The following NDST4 variants were observed in gnomAD, a reference collection of about 807,000 sequenced individuals.
NDST4 encodes N-heparan sulfate sulfotransferase 4.
In NDST4, 63 loss-of-function variants were observed where a neutral mutation model predicts 100.8. The ratio of observed to expected loss-of-function variants is 0.62; its 90% CI spans 0.51 to 0.77. NDST4 has a LOEUF of 0.77. Ranked by LOEUF, NDST4 falls within the 30% of genes least tolerant of loss-of-function variation. The pLI is 0.00. For missense variants in NDST4, 943 were observed against 1,018.4 expected (o/e 0.93, Z 1.01); for synonymous variants, 377 against 361.8 (o/e 1.04, Z -0.48).
At chr4:114,856,144 C>T (rs75341175) in intron 7 of NDST4, among the ~76,000 whole-genome samples, 3,335 of 151,946 alleles carry the variant, frequency 0.022, 121 homozygotes, top group African/African-American at 0.075. Flanking sequence ...CTCACTGCAA[C>T]CTTCTCTTCT....
At chr4:114,901,091 T>C (rs1472008890) in intron 6 of NDST4, among the ~76,000 whole-genome samples, 2 of 152,024 alleles carry the variant, frequency 1.3e-5, no homozygotes. Flanking sequence ...TACTGTTCCA[T>C]GCAACCTTGA....
chr4:114,931,611 T>A lies in NDST4; in HGVS notation c.1536+3595A>T, dbSNP rs1725516004. ...TAAATAAAATTAGCATGCATATAGC[T>A]AGACTAAGGGAAAAGGAGAGAAGGC... On this transcript the variant is annotated intron_variant, in intron 6 of 13. Coordinates refer to ENST00000264363, the MANE Select transcript of NDST4 (RefSeq NM_022569.3). Among the ~76,000 whole-genome samples the A allele has an allele frequency of 2.6e-5, 4 of 151,710 alleles. No individual in the cohort carries two copies. The South Asian group carries it at 8.3e-4, about 31-fold the overall frequency.
intron 6 of NDST4, among the ~76,000 whole-genome samples, chr4:114,924,912 T>C (rs1363042076): frequency 6.6e-6 from 1 of 152,154 alleles, no homozygotes; most frequent in Non-Finnish European, 1.5e-5. Flanking sequence ...TGACTTAATC[T>C]TTCCAAATTA....
intron 4 of NDST4, among the ~76,000 whole-genome samples, chr4:114,949,557 C>G (rs1412219585): frequency 2.0e-5 from 3 of 152,036 alleles, no homozygotes; most frequent in African/African-American, 7.2e-5. Flanking sequence ...TTGGCATTTG[C>G]TCCATAGTTT....
rs1251449284 is a variant in NDST4 at position 114,946,510 on chromosome 4, G to GT, written c.1222-9008dup. ...GGAGAAGGTAGTAGTTTGAGTTAAG[G>GT]TAAAAAGTTGTGACGGATTGAGCTA... On this transcript the variant is annotated intron_variant, in intron 4 of 13. Coordinates refer to ENST00000264363, the MANE Select transcript of NDST4 (RefSeq NM_022569.3). 2.0e-5 allele frequency among the ~76,000 whole-genome samples: 3 copies of GT among 152,306 alleles called. No homozygotes were observed. The East Asian group carries it at 5.8e-4, about 29-fold the overall frequency.
At chr4:114,964,171 A>G (rs1726329168) in intron 4 of NDST4, among the ~76,000 whole-genome samples, 1 of 152,220 alleles carries the variant, frequency 6.6e-6, no homozygotes, top group Non-Finnish European at 1.5e-5. Flanking sequence ...CATGGCAAGG[A>G]ACACAGGGCA....
At position 114,895,210 on chromosome 4, in the gene NDST4, G is replaced by A. The variant is rs76503938; in HGVS notation, c.1537-24260C>T. Reference sequence around the variant, plus strand: ...CAACGAATCCAGGAGCTGGGTTTTTGAAAAAAATTAACAAAATAGACCACT... The same window carrying A: ...CAACGAATCCAGGAGCTGGGTTTTTAAAAAAAATTAACAAAATAGACCACT... On this transcript the variant is annotated intron_variant, in intron 6 of 13. Transcript: ENST00000264363. Among the ~76,000 whole-genome samples the A allele has an allele frequency of 7.1e-3, 1,075 of 151,724 alleles. 9 individuals carry two copies. The highest frequency in any genetic ancestry group is 0.02 in the East Asian group (101 of 5,158).
chr4:114,830,373 G>C (rs1420032179), intron 12 of NDST4, among the ~76,000 whole-genome samples: 1 of 152,136 alleles, frequency 6.6e-6, no homozygotes, highest in Non-Finnish European at 1.5e-5. Flanking sequence ...AAAGCTTTCA[G>C]TTCAGAAATT....
chr4:114,833,712 G>T lies in NDST4; in HGVS notation c.2290C>A (p.Leu764Ile), dbSNP rs764043232. 2 of 1,604,264 alleles carry T rather than the reference G, an allele frequency of 1.2e-6. No homozygotes were observed. The highest frequency in any genetic ancestry group is 1.7e-6 in the Non-Finnish European group (2 of 1,174,238). The change falls in exon 12 of 14, where the codon CTA becomes ATA. Residue 764 changes from leucine to isoleucine, a missense_variant. Physicochemically the swap from Leu to Ile is conservative, Grantham distance 5 (BLOSUM62 2). Transcript: ENST00000264363. The part of the protein sequence containing the change: ...WLTYFATSQL[L>I]IIDGQQLRSD... ...CTCAGCTGCTGTCCATCAATAATTA[G>T]CAACTGTAAAGTCAGAAATAGTCAC... is the stretch of plus-strand genomic sequence containing the variant.
intron 2 of NDST4, among the ~76,000 whole-genome samples, chr4:115,011,232 T>C (rs1281922472): frequency 6.6e-6 from 1 of 151,972 alleles, no homozygotes; most frequent in African/African-American, 2.4e-5. Flanking sequence ...TGGTTTCTAT[T>C]CATCTGTATG....
At chr4:114,828,497 G>A (rs72679749) in intron 13 of NDST4, among the ~76,000 whole-genome samples, 13,777 of 151,996 alleles carry the variant, frequency 0.091, 911 homozygotes, top group African/African-American at 0.18. Flanking sequence ...GGTCTCTGAA[G>A]CCTGATCCTT....
intron 2 of NDST4, among the ~76,000 whole-genome samples, chr4:115,075,428 G>C (rs934837366): frequency 5.9e-5 from 9 of 152,144 alleles, no homozygotes; most frequent in Non-Finnish European, 1.3e-4. Context: ...GTTACAAACT[G>C]CAGCATGTAC....
At chr4:115,097,417 A>C (rs1440389560) in intron 1 of NDST4, among the ~76,000 whole-genome samples, 1 of 152,120 alleles carries the variant, frequency 6.6e-6, no homozygotes, top group Non-Finnish European at 1.5e-5. Context: ...AAATTTGTTT[A>C]GGAACTCTCT....
chr4:114,900,835 G>A (rs1162226695), intron 6 of NDST4, among the ~76,000 whole-genome samples: 1 of 151,978 alleles, frequency 6.6e-6, no homozygotes, highest in Non-Finnish European at 1.5e-5. Context: ...ATTTTGACAA[G>A]CTGTGTTCTC....
At chr4:114,888,703 C>G (rs537418737) in intron 6 of NDST4, among the ~76,000 whole-genome samples, 1 of 152,246 alleles carries the variant, frequency 6.6e-6, no homozygotes, top group South Asian at 2.1e-4. Flanking sequence ...ATTTCTTATA[C>G]TTGATACAAA....
chr4:114,839,004 T>A (rs1313961214), intron 11 of NDST4, among the ~76,000 whole-genome samples: 2 of 152,144 alleles, frequency 1.3e-5, no homozygotes, highest in Non-Finnish European at 2.9e-5. Context: ...TTCGTAAAGT[T>A]GTTGTCTAAC....
chr4:115,091,351 TAATC>T (rs1347407937), intron 1 of NDST4, among the ~76,000 whole-genome samples: 33 of 152,218 alleles, frequency 2.2e-4, no homozygotes, highest in African/African-American at 7.7e-4. Flanking sequence ...CTCAAAGGAT[TAATC>T]ATTTATTTTT....
chr4:114,879,874 TTG>T (rs1560792161), intron 6 of NDST4, among the ~76,000 whole-genome samples: 1 of 152,208 alleles, frequency 6.6e-6, no homozygotes, highest in African/African-American at 2.4e-5. Flanking sequence ...CATTTTTTAT[TTG>T]TGTTTCCCTT....
At chr4:115,112,836 C>T (rs532084144) in intron 1 of NDST4, among the ~76,000 whole-genome samples, 4 of 151,972 alleles carry the variant, frequency 2.6e-5, no homozygotes, top group South Asian at 2.1e-4. Flanking sequence ...ATATATTGTT[C>T]TAAGAATTTA....
Sources: gnomAD v4.1 joint callset for allele counts (sites outside exome capture counted in the v4.1 genomes callset) on GRCh38, gnomAD v4.1.1 for gene constraint, MANE v1.5 for transcripts, NCBI Gene and HGNC (gene_info 2026-07-23, HGNC 2026-07-21) for gene names.